Variants in DTD1 observed in about 807,000 individuals in gnomAD.
DTD1 encodes D-tyrosyl-tRNA deacylase 1 homolog.
Under a neutral mutation model 25.6 loss-of-function variants are expected in DTD1, and 13 were observed. The observed-to-expected ratio is 0.51, with a 90% CI of 0.33 to 0.81. The LOEUF is 0.81. Ranked by LOEUF, DTD1 falls within the 30% of genes least tolerant of loss-of-function variation. The probability of loss-of-function intolerance (pLI) is 0.02; values close to 1 mark genes in which losing one functional copy is unlikely to be tolerated. For synonymous variants in DTD1, 110 were observed against 103.6 expected (o/e 1.06, Z -0.37); for missense variants, 193 against 266.4 (o/e 0.72, Z 1.92).
chr20:18,654,541 A>C (rs941245084), intron 4 of DTD1, among the ~76,000 whole-genome samples: 1 of 152,240 alleles, frequency 6.6e-6, no homozygotes, highest in African/African-American at 2.4e-5. Flanking sequence ...AGGCCAGCTC[A>C]GTTCAGTGTA....
At chr20:18,730,843 G>C (rs908074886) in intron 4 of DTD1, among the ~76,000 whole-genome samples, 2 of 152,068 alleles carry the variant, frequency 1.3e-5, no homozygotes, top group African/African-American at 4.8e-5. Context: ...GAATATTTGC[G>C]TGTTTTGGAA....
intron 4 of DTD1, among the ~76,000 whole-genome samples, chr20:18,743,581 G>A (rs1301412902): frequency 1.3e-5 from 2 of 150,942 alleles, no homozygotes; most frequent in Non-Finnish European, 2.9e-5. Context: ...GGTTGAGGTG[G>A]GAGGATCACT....
At chr20:18,691,022 T>A (rs553928125) in intron 4 of DTD1, among the ~76,000 whole-genome samples, 17 of 152,336 alleles carry the variant, frequency 1.1e-4, no homozygotes, top group Admixed American at 7.8e-4. Flanking sequence ...ATGCTTGTTG[T>A]CACTAATCAT....
chr20:18,743,632 C>T (rs1240026218), intron 4 of DTD1, among the ~76,000 whole-genome samples: 1 of 137,174 alleles, frequency 7.3e-6, no homozygotes, highest in Non-Finnish European at 1.5e-5. Context: ...TGTGACCGCA[C>T]CACTGTACTT....
intron 4 of DTD1, among the ~76,000 whole-genome samples, chr20:18,662,518 C>G (rs1194186065): frequency 6.6e-6 from 1 of 152,212 alleles, no homozygotes; most frequent in Admixed American, 6.5e-5. Context: ...CTTCTGCAAG[C>G]TGCTCCAGAA....
At chr20:18,752,131 G>A (rs1253313746) in intron 5 of DTD1, among the ~76,000 whole-genome samples, 1 of 151,880 alleles carries the variant, frequency 6.6e-6, no homozygotes, top group African/African-American at 2.4e-5. Context: ...TTTGTCTTTG[G>A]TTTTCCGCAG....
chr20:18,666,111 G>T (rs1362761757), intron 4 of DTD1, among the ~76,000 whole-genome samples: 1 of 152,144 alleles, frequency 6.6e-6, no homozygotes, highest in East Asian at 1.9e-4. Context: ...CAGTTTCTCA[G>T]CCTTTCCTTG....
At chr20:18,621,733 G>T (rs1223401662) in intron 3 of DTD1, among the ~76,000 whole-genome samples, 1 of 152,052 alleles carries the variant, frequency 6.6e-6, no homozygotes, top group Non-Finnish European at 1.5e-5. Flanking sequence ...TCAATTACTA[G>T]ATCCAGAACA....
intron 4 of DTD1, among the ~76,000 whole-genome samples, chr20:18,729,852 C>G (rs1310218148): frequency 6.6e-6 from 1 of 152,152 alleles, no homozygotes; most frequent in African/African-American, 2.4e-5. Flanking sequence ...TGTCCTGCCC[C>G]TTATGTTCAT....
intron 4 of DTD1, chr20:18,698,686 C>G (rs552215942): frequency 5.2e-5 from 8 of 152,468 alleles, no homozygotes; most frequent in African/African-American, 1.7e-4. Flanking sequence ...ATTCCCTCCT[C>G]CCGCTCCCTG....
chr20:18,612,953 C>T (rs1420701087), intron 3 of DTD1, among the ~76,000 whole-genome samples: 1 of 152,180 alleles, frequency 6.6e-6, no homozygotes, highest in Non-Finnish European at 1.5e-5. Context: ...GCCACTGCAC[C>T]TGGCCCTTTT....
chr20:18,630,942 C>A, intron 4 of DTD1: 3 of 394,642 alleles, frequency 7.6e-6, no homozygotes, highest in Non-Finnish European at 1.0e-5. Context: ...GTGCATCCTA[C>A]CAGGAGGTAT....
At chr20:18,721,134 G>A (rs527401856) in intron 4 of DTD1, among the ~76,000 whole-genome samples, 197 of 152,268 alleles carry the variant, frequency 1.3e-3, no homozygotes, top group East Asian at 2.5e-3. Flanking sequence ...CAGAAGTGGC[G>A]CGAACAGACT....
intron 4 of DTD1, among the ~76,000 whole-genome samples, chr20:18,735,185 GTTC>G (rs1421579008): frequency 3.3e-5 from 5 of 152,230 alleles, no homozygotes; most frequent in South Asian, 2.1e-4. Context: ...TGGGATTTGA[GTTC>G]TTCTTTTGTT....
At chr20:18,761,182 C>A (rs1232261352) in intron 5 of DTD1, among the ~76,000 whole-genome samples, 4 of 152,118 alleles carry the variant, frequency 2.6e-5, no homozygotes, top group African/African-American at 9.7e-5. Context: ...CTTGCGCTTC[C>A]CGGGCGAGGC....
intron 4 of DTD1, among the ~76,000 whole-genome samples, chr20:18,696,368 C>T (rs913805810): frequency 2.0e-5 from 3 of 152,072 alleles, no homozygotes; most frequent in East Asian, 1.9e-4. Flanking sequence ...GTAGTTTCCA[C>T]GTCTTTCTCG....
intron 4 of DTD1, among the ~76,000 whole-genome samples, chr20:18,647,492 G>C (rs1033745890): frequency 2.0e-5 from 3 of 152,146 alleles, no homozygotes; most frequent in Non-Finnish European, 2.9e-5. Context: ...AGATGTCTTA[G>C]TTGCATCTCG....
chr20:18,661,646 G>C (rs377749388), intron 4 of DTD1, among the ~76,000 whole-genome samples: 255 of 152,220 alleles, frequency 1.7e-3, no homozygotes, highest in Middle Eastern at 3.4e-3. Context: ...GCTGGGATTA[G>C]AGGCGTGAGC....
chr20:18,719,966 G>T (rs563069558), intron 4 of DTD1, among the ~76,000 whole-genome samples: 1 of 152,282 alleles, frequency 6.6e-6, no homozygotes, highest in Non-Finnish European at 1.5e-5. Flanking sequence ...AGGCAGTAAG[G>T]GGTGCAGTTT....
Sources: gnomAD v4.1 joint callset for allele counts (sites outside exome capture counted in the v4.1 genomes callset) on GRCh38, gnomAD v4.1.1 for gene constraint, MANE v1.5 for transcripts, NCBI Gene and HGNC (gene_info 2026-07-23, HGNC 2026-07-21) for gene names.